HLF: variants seen among roughly 807,000 people sequenced by gnomAD.
The protein encoded by HLF is hepatic leukemia factor.
In HLF, 3 loss-of-function variants were observed where a neutral mutation model predicts 22.6. The ratio of observed to expected loss-of-function variants is 0.13; its 90% CI spans 0.06 to 0.34. The LOEUF (loss-of-function observed/expected upper bound fraction) is 0.34. Among genes scored for constraint, HLF ranks in the 10% least tolerant of loss-of-function variants. The probability of loss-of-function intolerance (pLI) is 1.00; values close to 1 mark genes in which losing one functional copy is unlikely to be tolerated. For missense variants in HLF, 299 were observed against 389.2 expected (o/e 0.77, Z 1.95); for synonymous variants, 151 against 151.8 (o/e 0.99, Z 0.04).
At chr17:55,310,238 C>T (rs889338147) in intron 2 of HLF, among the ~76,000 whole-genome samples, 20 of 152,166 alleles carry the variant, frequency 1.3e-4, no homozygotes, top group African/African-American at 4.6e-4. Context: ...ACAAAAAAAA[C>T]GAAAAACAAT....
chr17:55,267,633 A>G, intron 1 of HLF, 118 bp from the exon 2 acceptor site: 1 of 677,338 alleles, frequency 1.5e-6, no homozygotes, highest in South Asian at 2.1e-5. Context: ...GCAGCCAGAG[A>G]AGGACCCTGC....
intron 2 of HLF, among the ~76,000 whole-genome samples, chr17:55,294,368 C>G (rs368477886): frequency 6.6e-6 from 1 of 152,210 alleles, no homozygotes; most frequent in African/African-American, 2.4e-5. Flanking sequence ...TGGGCATCAG[C>G]TGTGCGTGTG....
At chr17:55,307,177 G>A (rs576748344) in intron 2 of HLF, among the ~76,000 whole-genome samples, 3 of 117,836 alleles carry the variant, frequency 2.5e-5, no homozygotes, top group South Asian at 5.9e-4. Context: ...TTTTTGAGAC[G>A]GAGTCTGGTT....
At chr17:55,311,751 C>A (rs1341796594) in intron 2 of HLF, among the ~76,000 whole-genome samples, 1 of 151,996 alleles carries the variant, frequency 6.6e-6, no homozygotes, top group Non-Finnish European at 1.5e-5. Context: ...TGAGATTTGG[C>A]CTTTGATTGA....
In HLF at chr17:55,321,225, C is replaced by T. The variant is rs1434142982; in HGVS notation, c.*346C>T. ...CCCTCCTTCACTCCTGCCTCCTCAG[C>T]TTTGCTTCATGTTCGAGCTTACCTA... On this transcript the variant is annotated 3_prime_UTR_variant, in exon 4 of 4. Transcript: ENST00000226067. The T allele has an allele frequency of 1.7e-5, 5 of 286,360 alleles. No homozygotes were observed. Among genetic ancestry groups the T allele is most frequent in the Admixed American group, 1.4e-4 (3 of 21,396 alleles). 17.7% of individuals were successfully genotyped at this position (286,360 alleles called of 1,614,324 possible).
chr17:55,265,207 C>T lies in HLF; in HGVS notation c.-278C>T. 1 of 323,236 alleles carries T rather than the reference C, an allele frequency of 3.1e-6. No individual in the cohort carries two copies. The highest frequency in any genetic ancestry group is 5.5e-6 in the Non-Finnish European group (1 of 180,196). The allele number at this position is 323,236 out of a possible 1,614,324, so 20.0% of individuals were successfully genotyped here. On this transcript the variant is annotated 5_prime_UTR_variant, in exon 1 of 4. Coordinates refer to ENST00000226067, the MANE Select transcript of HLF (RefSeq NM_002126.5). ...ATTTTGCAAAACGAGGGGTTCGAGG[C>T]AGGTGAGAGCATCCTGCACGTCGCC...
At chr17:55,300,244 G>A (rs183159099) in intron 2 of HLF, among the ~76,000 whole-genome samples, 64 of 152,296 alleles carry the variant, frequency 4.2e-4, no homozygotes, top group African/African-American at 1.3e-3. Flanking sequence ...GGTCAGTCCC[G>A]TTTCACTAGC....
chr17:55,318,259 G>A (rs1232591006), intron 3 of HLF, among the ~76,000 whole-genome samples: 2 of 152,162 alleles, frequency 1.3e-5, no homozygotes, highest in Admixed American at 6.5e-5. Flanking sequence ...ATAACAAAGG[G>A]AGGCGAGCAG....
intron 3 of HLF, among the ~76,000 whole-genome samples, chr17:55,316,687 G>A (rs1359494501): frequency 6.6e-6 from 1 of 152,218 alleles, no homozygotes; most frequent in Admixed American, 6.5e-5. Context: ...CTCCCAGGTT[G>A]TCTTGCTTCC....
chr17:55,317,447 A>C (rs1001479778), intron 3 of HLF, among the ~76,000 whole-genome samples: 2 of 152,190 alleles, frequency 1.3e-5, no homozygotes, highest in African/African-American at 4.8e-5. Flanking sequence ...TTAATAACCC[A>C]GGTAACCTTG....
chr17:55,297,252 A>T (rs1215531557), intron 2 of HLF, among the ~76,000 whole-genome samples: 1 of 152,204 alleles, frequency 6.6e-6, no homozygotes, highest in Non-Finnish European at 1.5e-5. Flanking sequence ...GTTATTCTGT[A>T]GTTATTTGTT....
In HLF at chr17:55,324,374, C is replaced by G. The variant is rs2145385720; in HGVS notation, c.*3495C>G. 4.3e-6 allele frequency: 1 copy of G among 230,640 alleles called. No individual in the cohort carries two copies. Among genetic ancestry groups the G allele is most frequent in the Non-Finnish European group, 8.6e-6 (1 of 116,442 alleles). 14.3% of individuals were successfully genotyped at this position (230,640 alleles called of 1,614,324 possible). A position where few individuals can be genotyped will look rare whatever the true frequency, so the allele number is the denominator to read the frequency against. On this transcript the variant is annotated 3_prime_UTR_variant, in exon 4 of 4. Transcript: ENST00000226067. ...AGCAAGAATTATCAGTGGCACCCTC[C>G]CCACTGCCCCCAGTGTAAAACAATA...
At chr17:55,271,346 T>C (rs1486401440) in intron 2 of HLF, among the ~76,000 whole-genome samples, 1 of 152,160 alleles carries the variant, frequency 6.6e-6, no homozygotes, top group Non-Finnish European at 1.5e-5. Context: ...CAAACAATTG[T>C]TTTTGGCTAT....
chr17:55,315,836 A>G (rs984054711), intron 3 of HLF, among the ~76,000 whole-genome samples: 12 of 152,226 alleles, frequency 7.9e-5, no homozygotes, highest in Non-Finnish European at 1.8e-4. Context: ...TCGAAGGGTT[A>G]CCTTCCTTTT....
intron 2 of HLF, among the ~76,000 whole-genome samples, chr17:55,304,120 T>C (rs1904428849): frequency 6.6e-6 from 1 of 152,134 alleles, no homozygotes; most frequent in Admixed American, 6.5e-5. Flanking sequence ...ACCTGAAATA[T>C]ACCTCATGTG....
At chr17:55,284,783 A>G (rs928132338) in intron 2 of HLF, among the ~76,000 whole-genome samples, 1 of 152,120 alleles carries the variant, frequency 6.6e-6, no homozygotes, top group African/African-American at 2.4e-5. Context: ...CCTGCCCCCA[A>G]CACCCTGTTC....
At chr17:55,303,342 G>T (rs540052169) in intron 2 of HLF, among the ~76,000 whole-genome samples, 1 of 152,184 alleles carries the variant, frequency 6.6e-6, no homozygotes, top group Non-Finnish European at 1.5e-5. Context: ...CTTTGAGCTG[G>T]CCAGCAGTTG....
chr17:55,317,573 G>A (rs936685967), intron 3 of HLF, among the ~76,000 whole-genome samples: 1 of 152,228 alleles, frequency 6.6e-6, no homozygotes, highest in African/African-American at 2.4e-5. Flanking sequence ...ACATTGTCCT[G>A]CCAGGTGTCC....
chr17:55,319,874 A>G (rs987934226), intron 3 of HLF, among the ~76,000 whole-genome samples: 25 of 152,294 alleles, frequency 1.6e-4, no homozygotes, highest in African/African-American at 4.8e-4. Flanking sequence ...ATTAGTATAA[A>G]TCTTTTTGCG....
Sources: allele counts gnomAD v4.1 joint callset (sites outside exome capture counted in the v4.1 genomes callset), GRCh38; gene constraint gnomAD v4.1.1; transcripts MANE v1.5; gene names NCBI Gene and HGNC (gene_info 2026-07-23, HGNC 2026-07-21).